The following ADA2 variants were observed in gnomAD, a reference collection of about 807,000 sequenced individuals.
ADA2 encodes the protein adenosine deaminase 2.
A neutral mutation model predicts 44.2 loss-of-function variants in ADA2; 29 were observed. The observed-to-expected ratio is 0.66, with a 90% confidence interval of 0.49 to 0.89. ADA2 has a LOEUF of 0.89. Among genes scored for constraint, ADA2 ranks in the 40% least tolerant of loss-of-function variants. The pLI, the probability that ADA2 is intolerant of heterozygous loss-of-function variation, is 0.00. For synonymous variants in ADA2, 215 were observed against 234.9 expected, an observed-to-expected ratio of 0.92 and a Z score of 0.77; for missense variants, 637 against 644.8, an observed-to-expected ratio of 0.99 and a Z score of 0.13.
intron 5 of ADA2, among the ~76,000 whole-genome samples, chr22:17,190,843 G>A (rs1232999452): frequency 6.6e-6 from 1 of 152,216 alleles, no homozygotes; most frequent in African/African-American, 2.4e-5. Flanking sequence ...CTCCTAGGGG[G>A]ACCGGCACAA....
intron 7 of ADA2, among the ~76,000 whole-genome samples, chr22:17,188,031 G>A (rs1473410070): frequency 2.0e-5 from 3 of 151,482 alleles, no homozygotes; most frequent in Non-Finnish European, 4.4e-5. Flanking sequence ...TTGAACCTGG[G>A]AAGCCGAGGT....
chr22:17,199,553 G>A (rs749513715), intron 4 of ADA2: 5 of 1,607,016 alleles, frequency 3.1e-6, no homozygotes, highest in Non-Finnish European at 4.2e-6. Flanking sequence ...CCCTACCAGA[G>A]CCCAGTTCCA....
chr22:17,194,320 C>T (rs1268673492), intron 4 of ADA2, among the ~76,000 whole-genome samples: 6 of 152,154 alleles, frequency 3.9e-5, no homozygotes, highest in African/African-American at 1.4e-4. Flanking sequence ...GGGAGTCCAC[C>T]TCCTCTGCTC....
At chr22:17,199,841 G>A (rs2062252896) in intron 4 of ADA2, 2 of 1,050,992 alleles carry the variant, frequency 1.9e-6, no homozygotes. Context: ...TACTTTGGGA[G>A]GCCGACGTGG....
At chr22:17,200,410 G>T (rs190734264) in intron 4 of ADA2, among the ~76,000 whole-genome samples, 1 of 152,104 alleles carries the variant, frequency 6.6e-6, no homozygotes, top group South Asian at 2.1e-4. Context: ...ACTGATGAAA[G>T]CTCCACTGCA....
In ADA2 at chr22:17,194,445, G is replaced by A. The variant is rs377213362; in HGVS notation, c.754-2635C>T. 1.4e-4 allele frequency among the ~76,000 whole-genome samples: 21 copies of A among 152,250 alleles called. 1 individual carries two copies. The East Asian group carries it at 3.1e-3, about 22-fold the overall frequency. On this transcript the variant is annotated intron_variant, in intron 4 of 9. Transcript: ENST00000399837. ...TCTCTGGGCAGTCCCTCAGATCCCC[G>A]CATTCCCCCAGGCCTGCAGAACAGT...
intron 2 of ADA2, 74 bp from the exon 3 acceptor site, chr22:17,207,364 G>C: frequency 8.9e-7 from 1 of 1,126,818 alleles, no homozygotes; most frequent in Non-Finnish European, 1.3e-6. Flanking sequence ...TGGGGACAAA[G>C]GAGGGGGTGA....
At chr22:17,191,935 C>A in intron 4 of ADA2, 125 bp from the exon 5 acceptor site, 2 of 948,156 alleles carry the variant, frequency 2.1e-6, no homozygotes, top group Non-Finnish European at 3.0e-6. Context: ...TCCCAGCCAC[C>A]CCTTCCCAGC....
chr22:17,194,596 C>T (rs2123666465), intron 4 of ADA2, among the ~76,000 whole-genome samples: 1 of 152,226 alleles, frequency 6.6e-6, no homozygotes, highest in South Asian at 2.1e-4. Context: ...TGAAGCCTGG[C>T]ACGTCACACA....
Position 17,181,868 on chromosome 22 carries a change from A to G in ADA2, c.1394T>C (p.Met465Thr), listed in dbSNP as rs751292513. ...TTTGAGGGTCCTCAGGTCAGCCTTCATCCCCCCAATGCCCATGAAGACCTC... is the reference window on the plus strand; with the variant it reads ...TTTGAGGGTCCTCAGGTCAGCCTTCGTCCCCCCAATGCCCATGAAGACCTC... ...FYEVFMGIGG[M>T]KADLRTLKQL... Residue 465 changes from methionine to threonine, a missense_variant, in exon 9 of 10, where the codon ATG (methionine) becomes ACG (threonine). By Grantham distance (81) the Met-to-Thr change is moderately conservative. Transcript: ENST00000399837. The G allele has an allele frequency of 1.2e-6, 2 of 1,613,984 alleles. No individual in the cohort carries two copies. The highest frequency in any genetic ancestry group is 3.3e-5 in the Admixed American group (2 of 60,004).
intron 1 of ADA2, among the ~76,000 whole-genome samples, chr22:17,212,329 T>C (rs925403460): frequency 1.4e-4 from 21 of 152,028 alleles, no homozygotes; most frequent in Non-Finnish European, 2.9e-5. Flanking sequence ...GCCCAGCCTT[T>C]TCTTGGCTCA....
At chr22:17,204,001 A>G (rs1181383485) in intron 3 of ADA2, among the ~76,000 whole-genome samples, 2 of 152,060 alleles carry the variant, frequency 1.3e-5, no homozygotes, top group Admixed American at 1.3e-4. Context: ...CCCCAAACGC[A>G]GGAGACTGCT....
chr22:17,198,328 G>A (rs1214757799), intron 4 of ADA2, among the ~76,000 whole-genome samples: 1 of 152,172 alleles, frequency 6.6e-6, no homozygotes, highest in Non-Finnish European at 1.5e-5. Flanking sequence ...GTGGTGCTAG[G>A]GTGCGATATA....
Position 17,207,090 on chromosome 22 carries a change from C to T in ADA2, c.523G>A (p.Val175Ile), listed in dbSNP as rs757839578. Residue 175 changes from valine (V) to isoleucine (I), a missense_variant, in exon 3 of 10, where the codon GTC (valine) becomes ATC (isoleucine). Coordinates refer to ENST00000399837, the MANE Select transcript of ADA2 (RefSeq NM_001282225.2). ...LEDYRKRVQNVTEFDDSLLRN... is the reference protein window; with the variant it reads ...LEDYRKRVQNITEFDDSLLRN... ...ACTCACCTGTCATCAAACTCAGTGA[C>T]GTTCTGCACCCGCTTCCGATAATCC... 1.7e-5 allele frequency: 27 copies of T among 1,614,104 alleles called. No individual in the cohort carries two copies. The highest frequency in any genetic ancestry group is 1.6e-4 in the East Asian group (7 of 44,886).
intron 4 of ADA2, among the ~76,000 whole-genome samples, chr22:17,202,033 G>A (rs1324080326): frequency 4.3e-5 from 6 of 138,850 alleles, no homozygotes; most frequent in Non-Finnish European, 6.0e-5. Flanking sequence ...GAGCAATGGC[G>A]GTATCTCTGC....
rs765219776 is a variant in ADA2 at position 17,203,754 on chromosome 22, G to C, written c.562C>G (p.Leu188Val). ...ATCACCTCCGGGTGCTGGGTCACCA[G>C]AGTGAAATTCCTCAGCAAGCTGTCC... The part of the protein sequence containing the change: ...FDDSLLRNFT[L>V]VTQHPEVIYT... The change falls in exon 4 of 10, where the codon CTG (leucine) becomes GTG (valine). Residue 188 changes from leucine (L) to valine (V), a missense_variant. Physicochemically the swap from Leu to Val is conservative, Grantham distance 32 (BLOSUM62 1). Coordinates refer to ENST00000399837, the MANE Select transcript of ADA2 (RefSeq NM_001282225.2). 2.5e-5 allele frequency: 41 copies of C among 1,613,550 alleles called. 2 individuals carry two copies. In the South Asian group the frequency reaches 4.3e-4, roughly 17 times the overall value.
chr22:17,183,575 C>T (rs1601423066), intron 7 of ADA2, among the ~76,000 whole-genome samples: 1 of 151,036 alleles, frequency 6.6e-6, no homozygotes, highest in South Asian at 2.1e-4. Context: ...GATTCTCCTG[C>T]CTCAGCCTCC....
At chr22:17,202,404 C>T (rs2062300327) in intron 4 of ADA2, among the ~76,000 whole-genome samples, 1 of 151,972 alleles carries the variant, frequency 6.6e-6, no homozygotes, top group Non-Finnish European at 1.5e-5. Flanking sequence ...AGATTACAGG[C>T]ATGAGCCACC....
Position 17,180,659 on chromosome 22 carries a change from G to A in ADA2, c.*824C>T, listed in dbSNP as rs1601418769. 1.3e-5 allele frequency: 2 copies of A among 152,218 alleles called. No homozygotes were observed. The highest frequency in any genetic ancestry group is 1.9e-4 in the East Asian group (1 of 5,162). 9.4% of individuals were successfully genotyped at this position (152,218 alleles called of 1,614,324 possible). Reference sequence around the variant, plus strand: ...AAGTAGAGAAAAAGAAAGGTTTAAAGGGAAGAGACTGAGGGTTCAGAATTG... The same window carrying A: ...AAGTAGAGAAAAAGAAAGGTTTAAAAGGAAGAGACTGAGGGTTCAGAATTG... On this transcript the variant is annotated 3_prime_UTR_variant, in exon 10 of 10. Transcript: ENST00000399837.
Sources: gnomAD v4.1 joint callset for allele counts (sites outside exome capture counted in the v4.1 genomes callset) on GRCh38, gnomAD v4.1.1 for gene constraint, MANE v1.5 for transcripts, NCBI Gene and HGNC (gene_info 2026-07-23, HGNC 2026-07-21) for gene names.